Variants in ATF6 observed in about 807,000 individuals in gnomAD.
ATF6 encodes the protein activating transcription factor 6, also known as cyclic AMP-dependent transcription factor ATF-6 alpha.
A neutral mutation model predicts 83.6 loss-of-function variants in ATF6; 53 were observed. The ratio of observed to expected loss-of-function variants is 0.63; its 90% confidence interval spans 0.51 to 0.80. The LOEUF (loss-of-function observed/expected upper bound fraction) is 0.80. Among genes scored for constraint, ATF6 ranks in the 30% least tolerant of loss-of-function variants. The probability of loss-of-function intolerance (pLI) is 0.00; values close to 1 mark genes in which losing one functional copy is unlikely to be tolerated. For synonymous variants in ATF6, 288 were observed against 285.8 expected (o/e 1.01, Z -0.08); for missense variants, 744 against 797.9 (o/e 0.93, Z 0.81).
intron 14 of ATF6, among the ~76,000 whole-genome samples, chr1:161,886,310 T>C (rs2101863958): frequency 6.6e-6 from 1 of 152,338 alleles, no homozygotes; most frequent in African/African-American, 2.4e-5. Context: ...AACTCTGTAA[T>C]TGTTTGCAAT....
chr1:161,789,677 G>A (rs1423006942), intron 4 of ATF6, among the ~76,000 whole-genome samples: 1 of 152,072 alleles, frequency 6.6e-6, no homozygotes, highest in African/African-American at 2.4e-5. Context: ...AATGCATTCA[G>A]CATTGGACTT....
rs71798307 is a variant in ATF6, at chr1:161,920,294, C to CTTTTTTTTTTTTTTTTTTTT, written c.1804+7932_1804+7933insTTTTTTTTTTTTTTTTTTTT. 2.3e-3 allele frequency among the ~76,000 whole-genome samples: 126 copies of CTTTTTTTTTTTTTTTTTTTT among 54,840 alleles called. 39 individuals carry two copies. Among genetic ancestry groups the CTTTTTTTTTTTTTTTTTTTT allele is most frequent in the East Asian group, 6.9e-3 (15 of 2,186 alleles). The allele number at this position is 54,840 out of a possible 152,430, so 36.0% of individuals were successfully genotyped here. ...TAGTTCTCTTTCTCTCTCTCTCTCT[C>CTTTTTTTTTTTTTTTTTTTT]TTTTTTTTTTTTTTTTTTGAGACAG... On this transcript the variant is annotated intron_variant, in intron 15 of 15. Coordinates refer to ENST00000367942, the MANE Select transcript of ATF6 (RefSeq NM_007348.4).
chr1:161,927,061 G>A (rs2101899471), intron 15 of ATF6, among the ~76,000 whole-genome samples: 1 of 152,200 alleles, frequency 6.6e-6, no homozygotes, highest in Admixed American at 6.5e-5. Flanking sequence ...AGACTAAAAT[G>A]TGATTCATGC....
At chr1:161,910,860 G>A (rs1462005793) in intron 14 of ATF6, among the ~76,000 whole-genome samples, 1 of 151,928 alleles carries the variant, frequency 6.6e-6, no homozygotes, top group African/African-American at 2.4e-5. Context: ...CTGCAATGCT[G>A]GAATTCTAAC....
At chr1:161,789,562 C>T (rs190752618) in intron 4 of ATF6, among the ~76,000 whole-genome samples, 18 of 151,814 alleles carry the variant, frequency 1.2e-4, no homozygotes, top group East Asian at 3.9e-4. Flanking sequence ...CTAAAAGGCA[C>T]GCTGTCTCTT....
At position 161,795,579 on chromosome 1, in the gene ATF6, GA is replaced by G. The variant is rs1306004280; in HGVS notation, c.688+3255del. Among the ~76,000 whole-genome samples, 10 of 152,266 alleles carry G rather than the reference GA, an allele frequency of 6.6e-5. No individual in the cohort carries two copies. The East Asian group carries it at 1.9e-3, about 29-fold the overall frequency. ...TAAAATCTTTGAAGAAAGTTTAAAAGAAAGAACTATCAAAATCAGTGAGTTA... is the reference window on the plus strand; with the variant it reads ...TAAAATCTTTGAAGAAAGTTTAAAAGAAGAACTATCAAAATCAGTGAGTTA... On this transcript the variant is annotated intron_variant, in intron 6 of 15. Transcript: ENST00000367942.
chr1:161,812,545 A>G (rs1295338747), intron 7 of ATF6, among the ~76,000 whole-genome samples: 1 of 150,912 alleles, frequency 6.6e-6, no homozygotes, highest in Non-Finnish European at 1.5e-5. Flanking sequence ...GGCGCCCGCC[A>G]CTACGCCCGG....
At chr1:161,842,707 A>G (rs1440617344) in intron 9 of ATF6, among the ~76,000 whole-genome samples, 1 of 152,186 alleles carries the variant, frequency 6.6e-6, no homozygotes, top group Non-Finnish European at 1.5e-5. Flanking sequence ...TAAACAACGT[A>G]CTCATCTCAC....
intron 14 of ATF6, among the ~76,000 whole-genome samples, chr1:161,897,578 T>A (rs958316562): frequency 9.2e-5 from 14 of 152,302 alleles, no homozygotes; most frequent in African/African-American, 3.1e-4. Flanking sequence ...AGAAGAGCTG[T>A]AGTTTTCTGT....
At chr1:161,865,207 T>C (rs1227004852) in intron 14 of ATF6, among the ~76,000 whole-genome samples, 1 of 152,036 alleles carries the variant, frequency 6.6e-6, no homozygotes, top group African/African-American at 2.4e-5. Flanking sequence ...TTGCCCAGGC[T>C]GGAGTGCAGT....
At chr1:161,777,681 T>C (rs981354240) in intron 1 of ATF6, among the ~76,000 whole-genome samples, 7 of 152,252 alleles carry the variant, frequency 4.6e-5, no homozygotes, top group African/African-American at 1.4e-4. Flanking sequence ...ACATATTTCT[T>C]GATTTGTAAT....
intron 15 of ATF6, among the ~76,000 whole-genome samples, chr1:161,938,430 A>G (rs1688580185): frequency 6.6e-6 from 1 of 152,204 alleles, no homozygotes; most frequent in African/African-American, 2.4e-5. Flanking sequence ...AGTGATTTTC[A>G]CAGTATCTGA....
chr1:161,786,634 C>T (rs571854813), intron 4 of ATF6, among the ~76,000 whole-genome samples: 6 of 152,094 alleles, frequency 3.9e-5, no homozygotes, highest in South Asian at 2.1e-4. Flanking sequence ...GTTGTGAGTA[C>T]CTTGCAAATA....
intron 11 of ATF6, among the ~76,000 whole-genome samples, chr1:161,852,981 C>G (rs1336571815): frequency 6.6e-6 from 1 of 152,188 alleles, no homozygotes; most frequent in Non-Finnish European, 1.5e-5. Context: ...AGGTATTTAG[C>G]TGTAGTTTTC....
chr1:161,825,655 T>G (rs916120434), intron 9 of ATF6, among the ~76,000 whole-genome samples: 1 of 152,028 alleles, frequency 6.6e-6, no homozygotes, highest in African/African-American at 2.4e-5. Context: ...TGCAGAGCTT[T>G]CATGCCCTCT....
chr1:161,937,280 G>T (rs1688553832), intron 15 of ATF6, among the ~76,000 whole-genome samples: 1 of 147,690 alleles, frequency 6.8e-6, no homozygotes, highest in Admixed American at 6.9e-5. Flanking sequence ...GGCAGCGGAG[G>T]TTGCAGTAAG....
At chr1:161,826,127 A>G (rs890148758) in intron 9 of ATF6, among the ~76,000 whole-genome samples, 7 of 152,186 alleles carry the variant, frequency 4.6e-5, no homozygotes, top group African/African-American at 1.7e-4. Flanking sequence ...TAACGCTGCT[A>G]GTGGCAATCA....
At chr1:161,853,127 C>T in intron 11 of ATF6, 97 bp from the exon 12 acceptor site, 4 of 880,006 alleles carry the variant, frequency 4.5e-6, no homozygotes, top group South Asian at 3.6e-5. Flanking sequence ...TCTTTGGAAC[C>T]TACAAATGAT....
At chr1:161,889,139 C>T (rs1244351538) in intron 14 of ATF6, among the ~76,000 whole-genome samples, 1 of 152,194 alleles carries the variant, frequency 6.6e-6, no homozygotes, top group East Asian at 1.9e-4. Flanking sequence ...AGATTGCTGC[C>T]TTGTTAGTAT....
Sources: gnomAD v4.1 joint callset for allele counts (sites outside exome capture counted in the v4.1 genomes callset) on GRCh38, gnomAD v4.1.1 for gene constraint, MANE v1.5 for transcripts, NCBI Gene and HGNC (gene_info 2026-07-23, HGNC 2026-07-21) for gene names.